POU2AF2: variants seen among roughly 807,000 people sequenced by gnomAD.
The protein encoded by POU2AF2 is POU class 2 homeobox associating factor 2.
At chr11:111,269,623 A>G in the POU2AF2 span, among the ~76,000 whole-genome samples, 4 of 152,156 alleles carry the variant, frequency 2.6e-5, no homozygotes, top group African/African-American at 9.7e-5. Flanking sequence ...TGGCAAGTCC[A>G]TCTGGCAGGG....
chr11:111,272,624 C>G, the POU2AF2 span, among the ~76,000 whole-genome samples: 1 of 152,170 alleles, frequency 6.6e-6, no homozygotes, highest in South Asian at 2.1e-4. Context: ...AACCACAACC[C>G]TTATTTCTAT....
the POU2AF2 span, among the ~76,000 whole-genome samples, chr11:111,280,058 ATATATAT>A: frequency 2.2e-4 from 8 of 36,052 alleles, no homozygotes; most frequent in East Asian, 2.2e-3. Flanking sequence ...AAAAAAAAAA[ATATATAT>A]ATATATATAT....
At chr11:111,277,955 A>G in the POU2AF2 span, among the ~76,000 whole-genome samples, 3 of 152,232 alleles carry the variant, frequency 2.0e-5, no homozygotes, top group African/African-American at 7.2e-5. Context: ...ATACAAGTGC[A>G]TCTGTGATTT....
At chr11:111,280,055 A>AT in the POU2AF2 span, among the ~76,000 whole-genome samples, 6 of 65,718 alleles carry the variant, frequency 9.1e-5, no homozygotes, top group African/African-American at 1.8e-4. Context: ...AAAAAAAAAA[A>AT]AAATATATAT....
At chr11:111,278,604 C>A in the POU2AF2 span, among the ~76,000 whole-genome samples, 1 of 152,038 alleles carries the variant, frequency 6.6e-6, no homozygotes, top group Non-Finnish European at 1.5e-5. Context: ...TGTGAACACA[C>A]AGTGAGAAGC....
the POU2AF2 span, chr11:111,284,126 G>C: frequency 6.2e-7 from 1 of 1,614,170 alleles, no homozygotes; most frequent in Non-Finnish European, 8.5e-7. Flanking sequence ...TTTCTTATCT[G>C]ACTCAGACTT....
chr11:111,282,792 C>T, the POU2AF2 span, among the ~76,000 whole-genome samples: 16 of 152,278 alleles, frequency 1.1e-4, no homozygotes, highest in Non-Finnish European at 2.1e-4. Context: ...TTTTTGTGAC[C>T]TATGACCTAA....
At chr11:111,274,580 G>C in the POU2AF2 span, among the ~76,000 whole-genome samples, 1 of 151,496 alleles carries the variant, frequency 6.6e-6, no homozygotes, top group Non-Finnish European at 1.5e-5. Flanking sequence ...GAAAGAAAGA[G>C]AGAGAAAGAG....
At chr11:111,256,609 A>G in the POU2AF2 span, among the ~76,000 whole-genome samples, 391 of 152,364 alleles carry the variant, frequency 2.6e-3, no homozygotes, top group Non-Finnish European at 4.4e-3. Context: ...TCTGGACCCA[A>G]TATGAAATGA....
chr11:111,256,188 C>T, the POU2AF2 span: 17 of 397,652 alleles, frequency 4.3e-5, no homozygotes, highest in Non-Finnish European at 7.5e-5. Context: ...GTCTGGTATT[C>T]TCAAAACAAA....
At chr11:111,253,882 C>G in the POU2AF2 span, among the ~76,000 whole-genome samples, 1 of 152,164 alleles carries the variant, frequency 6.6e-6, no homozygotes, top group Non-Finnish European at 1.5e-5. Context: ...TTTGCCATCA[C>G]CACACACACC....
the POU2AF2 span, among the ~76,000 whole-genome samples, chr11:111,261,579 A>G: frequency 6.6e-6 from 1 of 151,874 alleles, no homozygotes; most frequent in Non-Finnish European, 1.5e-5. Flanking sequence ...GGGGGGAAAA[A>G]TGTAAAACTT....
At chr11:111,264,492 G>A in the POU2AF2 span, among the ~76,000 whole-genome samples, 1,826 of 4,760 alleles carry the variant, frequency 0.38, 43 homozygotes, top group Middle Eastern at 0.5. Context: ...CAAGACTCAC[G>A]AAAGAAAGAA....
chr11:111,247,437 T>C, the POU2AF2 span, among the ~76,000 whole-genome samples: 1,741 of 152,294 alleles, frequency 0.011, 47 homozygotes, highest in African/African-American at 0.039. Context: ...AAAATCCTAA[T>C]ATGTTAACTG....
chr11:111,257,106 T>C, the POU2AF2 span, among the ~76,000 whole-genome samples: 1 of 152,212 alleles, frequency 6.6e-6, no homozygotes, highest in Non-Finnish European at 1.5e-5. Flanking sequence ...TATAATCACA[T>C]GAATGTCAGG....
chr11:111,263,662 A>G, the POU2AF2 span, among the ~76,000 whole-genome samples: 1 of 151,880 alleles, frequency 6.6e-6, no homozygotes, highest in African/African-American at 2.4e-5. Flanking sequence ...CGGACTCCTG[A>G]CCTCGTGATC....
chr11:111,264,720 A>G, the POU2AF2 span, among the ~76,000 whole-genome samples: 1 of 149,774 alleles, frequency 6.7e-6, no homozygotes, highest in Non-Finnish European at 1.5e-5. Flanking sequence ...AGAAGAAGAG[A>G]AAGAAAGAAA....
At chr11:111,266,083 A>G in the POU2AF2 span, among the ~76,000 whole-genome samples, 1 of 151,974 alleles carries the variant, frequency 6.6e-6, no homozygotes, top group Admixed American at 6.6e-5. Context: ...CTTATCCATC[A>G]CGAACTGCCA....
chr11:111,267,379 G>A, the POU2AF2 span, among the ~76,000 whole-genome samples: 16 of 152,066 alleles, frequency 1.1e-4, no homozygotes, highest in Admixed American at 3.3e-4. Flanking sequence ...TTCCTGAACC[G>A]GAGTCAGAGT....
Sources: gnomAD v4.1 joint callset for allele counts (sites outside exome capture counted in the v4.1 genomes callset) on GRCh38, gnomAD v4.1.1 for gene constraint, MANE v1.5 for transcripts, NCBI Gene and HGNC (gene_info 2026-07-23, HGNC 2026-07-21) for gene names.